REEP3: variants seen among roughly 807,000 people sequenced by gnomAD.
REEP3 encodes the protein receptor accessory protein 3, also known as receptor expression-enhancing protein 3.
In REEP3, 20 loss-of-function variants were observed where a neutral mutation model predicts 41.3. The observed-to-expected ratio is 0.48, with a 90% CI of 0.34 to 0.70. The LOEUF (loss-of-function observed/expected upper bound fraction) is 0.70. Ranked by LOEUF, REEP3 falls within the 30% of genes least tolerant of loss-of-function variation. The pLI, the probability that REEP3 is intolerant of heterozygous loss-of-function variation, is 0.01. For missense variants in REEP3, 271 were observed against 308.8 expected (o/e 0.88, Z 0.92); for synonymous variants, 104 against 101.8 (o/e 1.02, Z -0.13).
chr10:63,556,639 T>G (rs1462845923), intron 1 of REEP3, among the ~76,000 whole-genome samples: 6 of 90,440 alleles, frequency 6.6e-5, no homozygotes, highest in African/African-American at 2.3e-4. Context: ...GTTTTGTTTT[T>G]TTTTTTTTTT....
At chr10:63,531,753 A>G (rs937750842) in intron 1 of REEP3, among the ~76,000 whole-genome samples, 1 of 152,072 alleles carries the variant, frequency 6.6e-6, no homozygotes, top group Non-Finnish European at 1.5e-5. Context: ...TCCACCTGAA[A>G]ATGGCTGTGC....
chr10:63,599,642 CTCTT>C, intron 5 of REEP3: 1 of 967,472 alleles, frequency 1.0e-6, no homozygotes, highest in Non-Finnish European at 1.2e-6. Context: ...TTTTTTCTGT[CTCTT>C]TGTCAATGGC....
At chr10:63,570,704 G>A (rs1473984518) in intron 2 of REEP3, among the ~76,000 whole-genome samples, 1 of 152,174 alleles carries the variant, frequency 6.6e-6, no homozygotes, top group Non-Finnish European at 1.5e-5. Context: ...CAAATAAAAT[G>A]AGAACTAAAA....
chr10:63,616,054 T>G (rs1032912759), intron 6 of REEP3, among the ~76,000 whole-genome samples: 1 of 152,220 alleles, frequency 6.6e-6, no homozygotes, highest in African/African-American at 2.4e-5. Flanking sequence ...GTTACTCTTC[T>G]GCTTAAAACA....
intron 1 of REEP3, among the ~76,000 whole-genome samples, chr10:63,565,566 ACC>A (rs1381823367): frequency 2.6e-5 from 4 of 152,186 alleles, no homozygotes. Flanking sequence ...CATAATTAGA[ACC>A]CAGTGATTCT....
chr10:63,616,101 G>T (rs7075859), intron 6 of REEP3, among the ~76,000 whole-genome samples: 7,150 of 152,112 alleles, frequency 0.047, 252 homozygotes, highest in African/African-American at 0.097. Context: ...AGGCTTCATT[G>T]CTCTCTGACG....
intron 6 of REEP3, among the ~76,000 whole-genome samples, chr10:63,613,543 G>A (rs1956291262): frequency 6.6e-6 from 1 of 152,092 alleles, no homozygotes; most frequent in African/African-American, 2.4e-5. Flanking sequence ...CTTCCCTAAG[G>A]AAAAACTTTC....
At chr10:63,619,497 A>G (rs1956336233) in intron 6 of REEP3, among the ~76,000 whole-genome samples, 158 bp from the exon 7 acceptor site, 1 of 152,228 alleles carries the variant, frequency 6.6e-6, no homozygotes, top group South Asian at 2.1e-4. Context: ...AGTGCGAGGC[A>G]AAGCTTAATG....
At chr10:63,603,452 CTT>C (rs993803059) in intron 5 of REEP3, among the ~76,000 whole-genome samples, 24 of 151,922 alleles carry the variant, frequency 1.6e-4, no homozygotes, top group African/African-American at 5.3e-4. Context: ...TTCTGGCTCT[CTT>C]GTGATTTATT....
chr10:63,613,488 C>G (rs1191340542), intron 6 of REEP3, among the ~76,000 whole-genome samples: 3 of 152,016 alleles, frequency 2.0e-5, no homozygotes, highest in African/African-American at 7.2e-5. Context: ...TAAATTCTGC[C>G]CAGTTTCCAA....
At position 63,600,220 on chromosome 10, in the gene REEP3, AC is replaced by A. The variant is rs1956159938; in HGVS notation, c.417+938del. On this transcript the variant is annotated intron_variant, in intron 5 of 7. Coordinates refer to ENST00000373758, the MANE Select transcript of REEP3 (RefSeq NM_001001330.3). ...TCCAGTTGAGTGGTGATTTTATATAACTAATAGTGAAGGGATATGAAATGAG... is the reference window on the plus strand; with the variant it reads ...TCCAGTTGAGTGGTGATTTTATATAATAATAGTGAAGGGATATGAAATGAG... Among the ~76,000 whole-genome samples, 5 of 152,316 alleles carry A rather than the reference AC, an allele frequency of 3.3e-5. No individual in the cohort carries two copies. In the South Asian group the frequency reaches 1.0e-3, roughly 32 times the overall value.
intron 6 of REEP3, among the ~76,000 whole-genome samples, chr10:63,611,941 GA>G (rs200110110): frequency 2.0e-4 from 26 of 128,530 alleles, no homozygotes; most frequent in Middle Eastern, 4.1e-3. Context: ...CCCTTTCTCA[GA>G]AAAAAAAAAA....
intron 1 of REEP3, among the ~76,000 whole-genome samples, chr10:63,546,581 T>C (rs1432732902): frequency 6.6e-6 from 1 of 152,222 alleles, no homozygotes; most frequent in Non-Finnish European, 1.5e-5. Flanking sequence ...GTATAGATAT[T>C]AGTAGTGGAA....
intron 5 of REEP3, among the ~76,000 whole-genome samples, chr10:63,606,447 G>A (rs900177996): frequency 6.6e-6 from 1 of 151,760 alleles, no homozygotes; most frequent in African/African-American, 2.4e-5. Flanking sequence ...GTGCAGAGTT[G>A]TGATCACAGC....
At chr10:63,617,531 C>G (rs1259248263) in intron 6 of REEP3, among the ~76,000 whole-genome samples, 1 of 152,102 alleles carries the variant, frequency 6.6e-6, no homozygotes, top group Non-Finnish European at 1.5e-5. Context: ...TTTGGAGGAG[C>G]TGGGACTACA....
At chr10:63,582,149 G>T (rs1955960713) in intron 2 of REEP3, among the ~76,000 whole-genome samples, 2 of 152,316 alleles carry the variant, frequency 1.3e-5, no homozygotes, top group Admixed American at 1.3e-4. Flanking sequence ...CTAAAATGCA[G>T]ATTCTGATTT....
At chr10:63,580,659 A>G (rs573328037) in intron 2 of REEP3, among the ~76,000 whole-genome samples, 17 of 152,336 alleles carry the variant, frequency 1.1e-4, no homozygotes, top group African/African-American at 4.1e-4. Context: ...GAAAAACAAG[A>G]AAAGAGTTTA....
chr10:63,598,857 C>G (rs1344623951), intron 4 of REEP3, among the ~76,000 whole-genome samples: 1 of 151,416 alleles, frequency 6.6e-6, no homozygotes, highest in African/African-American at 2.4e-5. Context: ...TTTGGGAAGC[C>G]AAGGTGGGAG....
At chr10:63,588,124 C>T (rs1956024623) in intron 2 of REEP3, among the ~76,000 whole-genome samples, 1 of 152,190 alleles carries the variant, frequency 6.6e-6, no homozygotes, top group Non-Finnish European at 1.5e-5. Context: ...CCAGCCTTAA[C>T]AGCTAATATG....
Sources: gnomAD v4.1 joint callset for allele counts (sites outside exome capture counted in the v4.1 genomes callset) on GRCh38, gnomAD v4.1.1 for gene constraint, MANE v1.5 for transcripts, NCBI Gene and HGNC (gene_info 2026-07-23, HGNC 2026-07-21) for gene names.